NGF: variants seen among roughly 807,000 people sequenced by gnomAD.
NGF encodes beta-nerve growth factor.
NGF carries 4 observed loss-of-function variants against 12.8 expected under a neutral mutation model. The ratio of observed to expected loss-of-function variants is 0.31; its 90% CI spans 0.15 to 0.72. The LOEUF (loss-of-function observed/expected upper bound fraction) is 0.72. NGF is among the 30% of genes least tolerant of loss of function. The pLI is 0.69. For missense variants in NGF, 283 were observed against 330.8 expected (o/e 0.86, Z 1.12); for synonymous variants, 140 against 130.0 (o/e 1.08, Z -0.52).
At chr1:115,308,333 T>A (rs1654253887) in intron 1 of NGF, among the ~76,000 whole-genome samples, 1 of 152,214 alleles carries the variant, frequency 6.6e-6, no homozygotes, top group Admixed American at 6.5e-5. Context: ...AGTCATTCTC[T>A]TCCCAGAGTG....
intron 1 of NGF, among the ~76,000 whole-genome samples, chr1:115,324,514 C>T (rs1654718855): frequency 6.6e-6 from 1 of 152,142 alleles, no homozygotes; most frequent in East Asian, 1.9e-4. Context: ...GCTTCGGCTT[C>T]TCTTTCCTGG....
intron 1 of NGF, among the ~76,000 whole-genome samples, chr1:115,304,230 T>A (rs894824317): frequency 4.6e-5 from 7 of 151,952 alleles, no homozygotes; most frequent in Non-Finnish European, 7.4e-5. Flanking sequence ...TGGCATGATC[T>A]CAGTTCACTG....
At chr1:115,288,975 C>T (rs1400800988) in intron 2 of NGF, among the ~76,000 whole-genome samples, 1 of 152,192 alleles carries the variant, frequency 6.6e-6, no homozygotes, top group East Asian at 1.9e-4. Context: ...AAATAGACAG[C>T]TCTTTGGTGA....
intron 1 of NGF, among the ~76,000 whole-genome samples, chr1:115,331,330 G>A (rs1654916712): frequency 6.6e-6 from 1 of 152,166 alleles, no homozygotes; most frequent in African/African-American, 2.4e-5. Context: ...CTGTGTGCCA[G>A]GACTCCTGTA....
At chr1:115,295,159 C>T (rs1322549813) in intron 1 of NGF, among the ~76,000 whole-genome samples, 1 of 152,120 alleles carries the variant, frequency 6.6e-6, no homozygotes, top group African/African-American at 2.4e-5. Context: ...TCAGAAAAGC[C>T]ACCATCGCTC....
chr1:115,332,216 A>G (rs908357012), intron 1 of NGF, among the ~76,000 whole-genome samples: 1 of 152,262 alleles, frequency 6.6e-6, no homozygotes, highest in African/African-American at 2.4e-5. Flanking sequence ...AGAGCATTGC[A>G]TAACATTTCT....
intron 1 of NGF, among the ~76,000 whole-genome samples, chr1:115,337,920 C>G (rs1167846674): frequency 6.6e-6 from 1 of 152,310 alleles, no homozygotes; most frequent in East Asian, 1.9e-4. Flanking sequence ...CTTCTGCAGG[C>G]GCCAGGGCTG....
At chr1:115,297,313 A>C (rs1455514201) in intron 1 of NGF, among the ~76,000 whole-genome samples, 1 of 152,164 alleles carries the variant, frequency 6.6e-6, no homozygotes, top group Non-Finnish European at 1.5e-5. Flanking sequence ...TCCAGTGCAA[A>C]GACAAAGCGC....
intron 1 of NGF, among the ~76,000 whole-genome samples, chr1:115,335,459 A>G (rs1434879612): frequency 3.3e-5 from 5 of 152,222 alleles, no homozygotes; most frequent in African/African-American, 1.2e-4. Flanking sequence ...AGAACTGGCT[A>G]AGCCTGAGAG....
intron 1 of NGF, among the ~76,000 whole-genome samples, chr1:115,325,929 G>T (rs975468947): frequency 6.6e-6 from 1 of 152,152 alleles, no homozygotes; most frequent in Non-Finnish European, 1.5e-5. Flanking sequence ...GAGAAAAGTA[G>T]CTTGGGGGTT....
chr1:115,295,860 A>C (rs1037276267), intron 1 of NGF, among the ~76,000 whole-genome samples: 1 of 152,188 alleles, frequency 6.6e-6, no homozygotes, highest in Non-Finnish European at 1.5e-5. Context: ...TTAAACTTGC[A>C]GGTCCTGTGC....
intron 1 of NGF, among the ~76,000 whole-genome samples, chr1:115,323,753 AATAAAAT>A (rs1654692265): frequency 2.0e-5 from 3 of 152,224 alleles, no homozygotes; most frequent in Admixed American, 6.5e-5. Flanking sequence ...AAAACAGACT[AATAAAAT>A]GAGGTGTTGG....
At chr1:115,291,410 C>T (rs926348974) in intron 2 of NGF, among the ~76,000 whole-genome samples, 4 of 152,178 alleles carry the variant, frequency 2.6e-5, no homozygotes, top group Non-Finnish European at 5.9e-5. Context: ...AAGCCTTTCT[C>T]CTGAACAGAT....
At chr1:115,302,217 A>C (rs961891448) in intron 1 of NGF, among the ~76,000 whole-genome samples, 1 of 152,174 alleles carries the variant, frequency 6.6e-6, no homozygotes, top group African/African-American at 2.4e-5. Flanking sequence ...CCTCCCTTTC[A>C]CTTTGGCTAT....
intron 2 of NGF, among the ~76,000 whole-genome samples, chr1:115,289,921 T>C (rs1281184182): frequency 6.6e-6 from 1 of 152,072 alleles, no homozygotes; most frequent in Non-Finnish European, 1.5e-5. Flanking sequence ...TTATCTTCCA[T>C]TCTCATCTCT....
At position 115,308,690 on chromosome 1, in the gene NGF, AAAT is replaced by A. The variant is rs1654264751; in HGVS notation, c.-136-14943_-136-14941del. On this transcript the variant is annotated intron_variant, in intron 1 of 2. Coordinates refer to ENST00000369512, the MANE Select transcript of NGF (RefSeq NM_002506.3). ...GATTCAATTATATGTAATCAGAAAA[AAAT>A]AAAAAGAGAGAAAAAGGAAGCAATG... is the stretch of plus-strand genomic sequence containing the variant. Among the ~76,000 whole-genome samples, 3 of 152,306 alleles carry A rather than the reference AAAT, an allele frequency of 2.0e-5. No individual in the cohort carries two copies. In the South Asian group the frequency reaches 6.2e-4, roughly 32 times the overall value.
At chr1:115,307,578 A>G (rs1654235441) in intron 1 of NGF, among the ~76,000 whole-genome samples, 2 of 152,248 alleles carry the variant, frequency 1.3e-5, no homozygotes, top group Admixed American at 6.5e-5. Context: ...GAAAAAGTCC[A>G]AGGAATAGGT....
intron 1 of NGF, among the ~76,000 whole-genome samples, chr1:115,310,388 T>G (rs149108980): frequency 6.6e-6 from 1 of 152,268 alleles, no homozygotes; most frequent in African/African-American, 2.4e-5. Flanking sequence ...ATCCTTCAGG[T>G]TTAGGACTAT....
At chr1:115,298,956 T>G (rs75561792) in intron 1 of NGF, among the ~76,000 whole-genome samples, 23,294 of 151,918 alleles carry the variant, frequency 0.15, 1,857 homozygotes, top group Admixed American at 0.18. Context: ...TCCCCTCAAT[T>G]CTCCCATCTC....
Sources: gnomAD v4.1 joint callset for allele counts (sites outside exome capture counted in the v4.1 genomes callset) on GRCh38, gnomAD v4.1.1 for gene constraint, MANE v1.5 for transcripts, NCBI Gene and HGNC (gene_info 2026-07-23, HGNC 2026-07-21) for gene names.